The following ZSCAN5A variants were observed in gnomAD, a reference collection of about 807,000 sequenced individuals.
The protein encoded by ZSCAN5A is zinc finger and SCAN domain containing 5A.
Under a neutral mutation model 23.7 loss-of-function variants are expected in ZSCAN5A, and 12 were observed. That is an observed-to-expected ratio of 0.51 (90% CI 0.32 to 0.82). ZSCAN5A has a LOEUF of 0.82. ZSCAN5A is among the 40% of genes least tolerant of loss of function. The pLI is 0.03. For synonymous variants in ZSCAN5A, 257 were observed against 239.9 expected, an observed-to-expected ratio of 1.07 and a Z score of -0.66; for missense variants, 597 against 617.9, an observed-to-expected ratio of 0.97 and a Z score of 0.36.
chr19:56,300,206 T>C (rs1477552644), intron 2 of ZSCAN5A, among the ~76,000 whole-genome samples: 1 of 152,106 alleles, frequency 6.6e-6, no homozygotes, highest in African/African-American at 2.4e-5. Flanking sequence ...GAACATGATA[T>C]GCGAAGAGAC....
chr19:56,283,296 T>A (rs1205839139), intron 2 of ZSCAN5A: 1 of 152,184 alleles, frequency 6.6e-6, no homozygotes, highest in Non-Finnish European at 1.5e-5. Context: ...TTACTATTTC[T>A]AACTTTACTA....
chr19:56,284,866 CATGACTGAGGCATT>C, intron 2 of ZSCAN5A: 1 of 242,918 alleles, frequency 4.1e-6, no homozygotes, highest in Non-Finnish European at 6.6e-6. Flanking sequence ...AATGAGGCAT[CATGACTGAGGCATT>C]ATAGCCACAC....
intron 2 of ZSCAN5A, among the ~76,000 whole-genome samples, chr19:56,353,892 A>G (rs1404731271): frequency 1.3e-5 from 2 of 152,244 alleles, no homozygotes; most frequent in Non-Finnish European, 2.9e-5. Context: ...AGCAGCCCAC[A>G]TGTCCATCGA....
rs770526041 is a variant in ZSCAN5A, at chr19:56,322,253, G to C, written c.-357-5985C>G. Reference sequence around the variant, plus strand: ...AGCAAACTGAGAAAGTCCTAAAACAGTTGCAAGAGCACCTCCTTCAACAAG... The same window carrying C: ...AGCAAACTGAGAAAGTCCTAAAACACTTGCAAGAGCACCTCCTTCAACAAG... On this transcript the variant is annotated intron_variant, in intron 2 of 6. Coordinates refer to the ZSCAN5A transcript ENST00000587340. 27 of 1,126,418 alleles carry C rather than the reference G, an allele frequency of 2.4e-5. No homozygotes were observed. In the South Asian group the frequency reaches 3.1e-4, roughly 13 times the overall value. 69.8% of individuals were successfully genotyped at this position (1,126,418 alleles called of 1,614,324 possible). A position where few individuals can be genotyped will look rare whatever the true frequency, so the allele number is the denominator to read the frequency against.
intron 4 of ZSCAN5A, 141 bp from the exon 5 acceptor site, chr19:56,222,882 C>A: frequency 1.9e-6 from 2 of 1,066,110 alleles, no homozygotes; most frequent in Non-Finnish European, 2.7e-6. Flanking sequence ...CCTGGACCAC[C>A]CCATCACCCC....
intron 2 of ZSCAN5A, among the ~76,000 whole-genome samples, chr19:56,284,534 T>TTTTG (rs2038962148): frequency 6.9e-6 from 1 of 145,570 alleles, no homozygotes; most frequent in Non-Finnish European, 1.5e-5. Context: ...TTTTTTTTTT[T>TTTTG]GAGACAGTCT....
intron 2 of ZSCAN5A, among the ~76,000 whole-genome samples, chr19:56,255,848 CATG>C (rs1387723003): frequency 2.6e-5 from 4 of 152,112 alleles, no homozygotes; most frequent in Admixed American, 1.3e-4. Context: ...AGGCAGAAAA[CATG>C]ATTTGTTAAC....
At chr19:56,300,769 T>C (rs2040172378) in intron 2 of ZSCAN5A, among the ~76,000 whole-genome samples, 1 of 152,180 alleles carries the variant, frequency 6.6e-6, no homozygotes, top group South Asian at 2.1e-4. Flanking sequence ...TATTTTTTGA[T>C]TGGAAACCTG....
intron 2 of ZSCAN5A, among the ~76,000 whole-genome samples, chr19:56,278,620 G>T (rs1269172728): frequency 6.6e-6 from 1 of 152,220 alleles, no homozygotes; most frequent in Non-Finnish European, 1.5e-5. Flanking sequence ...AAATTTCTTA[G>T]GGGAATTAGC....
At chr19:56,342,800 A>G in intron 2 of ZSCAN5A, 1 of 761,028 alleles carries the variant, frequency 1.3e-6, no homozygotes, top group Non-Finnish European at 2.4e-6. Context: ...CTGAACTGGG[A>G]CCAATCATAA....
intron 2 of ZSCAN5A, chr19:56,304,737 C>G (rs2040573291): frequency 7.2e-6 from 7 of 976,524 alleles, no homozygotes; most frequent in Non-Finnish European, 8.5e-6. Context: ...AAGGAATTCA[C>G]TCGCCTCACC....
chr19:56,335,942 G>T (rs1343017511), intron 2 of ZSCAN5A, among the ~76,000 whole-genome samples: 2 of 152,148 alleles, frequency 1.3e-5, no homozygotes, highest in African/African-American at 4.8e-5. Context: ...TAGAGTTTCT[G>T]CCGAGAGATC....
rs2033549386 is a variant in ZSCAN5A at position 56,223,632 on chromosome 19, T to C, written c.587A>G (p.Gln196Arg). The change falls in exon 4 of 6, where the codon CAG becomes CGG. Residue 196 changes from glutamine (Q) to arginine (R), a missense_variant and splice_region_variant. By Grantham distance (43) the Gln-to-Arg change is conservative. Coordinates refer to ENST00000683990, the MANE Select transcript of ZSCAN5A (RefSeq NM_001322064.3). ...LPRVPALSRR[Q>R]GEDFLLHKSI... Reference sequence around the variant, plus strand: ...GACACCAAGGCCTCACACACTCACCTGCCTCCTGGACAATGCAGGGACCCT... The same window carrying C: ...GACACCAAGGCCTCACACACTCACCCGCCTCCTGGACAATGCAGGGACCCT... 1.2e-6 allele frequency: 2 copies of C among 1,613,576 alleles called. No individual in the cohort carries two copies. The highest frequency in any genetic ancestry group is 1.7e-6 in the Non-Finnish European group (2 of 1,179,920).
intron 2 of ZSCAN5A, among the ~76,000 whole-genome samples, chr19:56,337,352 G>A (rs191289301): frequency 7.9e-5 from 12 of 152,336 alleles, no homozygotes; most frequent in African/African-American, 2.2e-4. Context: ...AGCAATGAGC[G>A]AGGCTCTGTG....
intron 2 of ZSCAN5A, among the ~76,000 whole-genome samples, chr19:56,259,910 C>A (rs972237211): frequency 6.6e-6 from 1 of 152,226 alleles, no homozygotes; most frequent in Non-Finnish European, 1.5e-5. Flanking sequence ...GAAGTCGAGG[C>A]TGCAAATGAG....
rs553972371 is a variant in ZSCAN5A at position 56,233,173 on chromosome 19, C to T, written c.-127-8000G>A. On this transcript the variant is annotated intron_variant, in intron 2 of 5. Transcript: ENST00000683990. Reference sequence around the variant, plus strand: ...TATTCAATGACTCAAATAATGGCAGCTCCACCTACTAGTACAATGGGTCAA... The same window carrying T: ...TATTCAATGACTCAAATAATGGCAGTTCCACCTACTAGTACAATGGGTCAA... Among the ~76,000 whole-genome samples, 3 of 152,238 alleles carry T rather than the reference C, an allele frequency of 2.0e-5. No individual in the cohort carries two copies. In the East Asian group the frequency reaches 5.8e-4, roughly 29 times the overall value.
intron 2 of ZSCAN5A, among the ~76,000 whole-genome samples, chr19:56,292,606 C>T (rs1338005591): frequency 1.3e-5 from 2 of 151,980 alleles, no homozygotes; most frequent in Non-Finnish European, 2.9e-5. Flanking sequence ...TTAAAGTGTG[C>T]GATTTAGTGG....
At chr19:56,359,887 A>AT (rs1382737711) in intron 2 of ZSCAN5A, among the ~76,000 whole-genome samples, 2 of 152,172 alleles carry the variant, frequency 1.3e-5, no homozygotes, top group Non-Finnish European at 2.9e-5. Context: ...TCTCTTCATG[A>AT]TAAAAACTCT....
chr19:56,321,178 G>A (rs1425030218), intron 2 of ZSCAN5A: 16 of 657,216 alleles, frequency 2.4e-5, no homozygotes, highest in Admixed American at 1.2e-4. Flanking sequence ...AGGTAATTAC[G>A]TGCTTCATTC....
Sources: gnomAD v4.1 joint callset for allele counts (sites outside exome capture counted in the v4.1 genomes callset) on GRCh38, gnomAD v4.1.1 for gene constraint, MANE v1.5 for transcripts, NCBI Gene and HGNC (gene_info 2026-07-23, HGNC 2026-07-21) for gene names.